OR4D10: variants seen among roughly 807,000 people sequenced by gnomAD.
OR4D10 encodes olfactory receptor 4D10.
For synonymous variants in OR4D10, 188 were observed against 153.2 expected (o/e 1.23, Z -1.68); for missense variants, 395 against 378.0 (o/e 1.04, Z -0.37).
chr11:59,478,158 C>T lies in OR4D10; in HGVS notation c.729C>T (p.His243=). Residue 243 remains histidine (H), a synonymous_variant, in exon 3 of 3, where the codon CAC becomes CAT. Coordinates refer to ENST00000530162, the MANE Select transcript of OR4D10 (RefSeq NM_001004705.2). The part of the protein sequence containing the change: ...RRKAISTCTS[H]ITVVTLHFVP... Reference sequence around the variant, plus strand: ...AAGCCATCTCCACCTGCACCTCCCACATCACTGTGGTGACCCTGCATTTCG... The same window carrying T: ...AAGCCATCTCCACCTGCACCTCCCATATCACTGTGGTGACCCTGCATTTCG... 2.5e-6 allele frequency: 4 copies of T among 1,614,178 alleles called. No individual in the cohort carries two copies. Among genetic ancestry groups the T allele is most frequent in the South Asian group, 1.1e-5 (1 of 91,086 alleles).
In OR4D10 at chr11:59,477,875, G is replaced by T. The variant is rs764781536; in HGVS notation, c.446G>T (p.Trp149Leu). 5.0e-6 allele frequency: 8 copies of T among 1,614,014 alleles called. No individual in the cohort carries two copies. The change falls in exon 3 of 3, where the codon TGG (tryptophan) becomes TTG (leucine). Residue 149 changes from tryptophan (W) to leucine (L), a missense_variant. Trp to Leu is a moderately conservative substitution (Grantham distance 61). Coordinates refer to ENST00000530162, the MANE Select transcript of OR4D10 (RefSeq NM_001004705.2). ...DHCIGLTVAA[W>L]LGGFVHSIVQ... is the part of the protein sequence containing the mutation. The stretch of plus-strand genomic sequence containing the variant: ...TGCATTGGGCTCACAGTGGCTGCCT[G>T]GTTGGGGGGCTTTGTCCACTCCATC...
At position 59,477,288 on chromosome 11, in the gene OR4D10, C is replaced by T; in HGVS notation, c.-142C>T. The T allele has an allele frequency of 1.9e-6, 1 of 534,324 alleles. No individual in the cohort carries two copies. Among genetic ancestry groups the T allele is most frequent in the East Asian group, 3.0e-5 (1 of 33,578 alleles). 33.1% of individuals were successfully genotyped at this position (534,324 alleles called of 1,614,324 possible). A position where few individuals can be genotyped will look rare whatever the true frequency, so the allele number is the denominator to read the frequency against. ...CTAACTGAAATCTGAAAAACGTGAA[C>T]AATGCAACAAACTGCAAAAACTACA... On this transcript the variant is annotated 5_prime_UTR_variant, in exon 3 of 3. Transcript: ENST00000530162.
Position 59,478,576 on chromosome 11 carries a change from T to G in OR4D10, c.*211T>G. The G allele has an allele frequency of 2.5e-6, 1 of 396,304 alleles. No individual in the cohort carries two copies. The highest frequency in any genetic ancestry group is 2.1e-5 in the African/African-American group (1 of 48,434). The allele number at this position is 396,304 out of a possible 1,614,324, so 24.5% of individuals were successfully genotyped here. On this transcript the variant is annotated 3_prime_UTR_variant, in exon 3 of 3. Transcript: ENST00000530162. ...GAAAATAAACCAGAGCTCCCTCCTCTTTACCACCAAGATTTTGTTTCATGA... is the reference window on the plus strand; with the variant it reads ...GAAAATAAACCAGAGCTCCCTCCTCGTTACCACCAAGATTTTGTTTCATGA...
rs1201091481 is a variant in OR4D10 at position 59,478,087 on chromosome 11, G to A, written c.658G>A (p.Val220Ile). Residue 220 changes from valine to isoleucine, a missense_variant, in exon 3 of 3, where the codon GTC (valine) becomes ATC (isoleucine). Physicochemically the swap from Val to Ile is conservative, Grantham distance 29. Coordinates refer to ENST00000530162, the MANE Select transcript of OR4D10 (RefSeq NM_001004705.2). ...WFFLLLVSYIVILSLPKSQAG... is the reference protein window; with the variant it reads ...WFFLLLVSYIIILSLPKSQAG... Reference sequence around the variant, plus strand: ...TTTCCTGCTCCTGGTGTCCTACATAGTCATATTATCATTACCCAAGTCTCA... The same window carrying A: ...TTTCCTGCTCCTGGTGTCCTACATAATCATATTATCATTACCCAAGTCTCA... 1 of 1,614,140 alleles carries A rather than the reference G, an allele frequency of 6.2e-7. No homozygotes were observed. Among genetic ancestry groups the A allele is most frequent in the Admixed American group, 1.7e-5 (1 of 60,020 alleles).
chr11:59,475,392 A>G (rs1590624630), intron 2 of OR4D10, among the ~76,000 whole-genome samples: 1 of 152,008 alleles, frequency 6.6e-6, no homozygotes, highest in East Asian at 1.9e-4. Flanking sequence ...TTTGCATGAT[A>G]CATCCTGTTT....
In OR4D10 at chr11:59,477,427, T is replaced by C; in HGVS notation, c.-3T>C. 1 of 1,547,302 alleles carries C rather than the reference T, an allele frequency of 6.5e-7. No individual in the cohort carries two copies. The highest frequency in any genetic ancestry group is 8.7e-7 in the Non-Finnish European group (1 of 1,148,182). ...AACCAAAGAGAATAAAGAGGATGAT[T>C]GAATGGAGATGGAAAACTGCACCAG... On this transcript the variant is annotated 5_prime_UTR_variant, in exon 3 of 3. An upstream open reading frame in the 5' UTR loses its in-frame stop. Coordinates refer to ENST00000530162, the MANE Select transcript of OR4D10 (RefSeq NM_001004705.2).
Position 59,478,708 on chromosome 11 carries a change from A to G in OR4D10, c.*343A>G, listed in dbSNP as rs957655216. 3 of 173,342 alleles carry G rather than the reference A, an allele frequency of 1.7e-5. No individual in the cohort carries two copies. The highest frequency in any genetic ancestry group is 7.1e-5 in the African/African-American group (3 of 42,070). The allele number at this position is 173,342 out of a possible 1,614,324, so 10.7% of individuals were successfully genotyped here. A position where few individuals can be genotyped will look rare whatever the true frequency, so the allele number is the denominator to read the frequency against. Reference sequence around the variant, plus strand: ...TTTATTTTCATAAGTAATACATAAAATTATATATATACCTAGCAAATGCAT... The same window carrying G: ...TTTATTTTCATAAGTAATACATAAAGTTATATATATACCTAGCAAATGCAT... On this transcript the variant is annotated 3_prime_UTR_variant, in exon 3 of 3. Transcript: ENST00000530162.
intron 2 of OR4D10, among the ~76,000 whole-genome samples, chr11:59,474,212 A>G (rs944116873): frequency 1.3e-5 from 2 of 152,210 alleles, no homozygotes; most frequent in African/African-American, 2.4e-5. Flanking sequence ...TTTTTATACC[A>G]CTTCATATAT....
Position 59,478,282 on chromosome 11 carries a change from T to A in OR4D10, c.853T>A (p.Leu285Met), listed in dbSNP as rs1211558070. The change falls in exon 3 of 3, where the codon TTG (leucine) becomes ATG (methionine). Residue 285 changes from leucine (L) to methionine (M), a missense_variant. Coordinates refer to ENST00000530162, the MANE Select transcript of OR4D10 (RefSeq NM_001004705.2). Reference sequence around the variant, plus strand: ...TGTCATCTCCCCTCTGCTCAACCCCTTGATCTACACTCTGAGGAACCATGA... The same window carrying A: ...TGTCATCTCCCCTCTGCTCAACCCCATGATCTACACTCTGAGGAACCATGA... Reference protein sequence around the residue: ...FTVISPLLNPLIYTLRNHEMK... With the variant: ...FTVISPLLNPMIYTLRNHEMK... 5 of 1,467,714 alleles carry A rather than the reference T, an allele frequency of 3.4e-6. No homozygotes were observed. Among genetic ancestry groups the A allele is most frequent in the Non-Finnish European group, 4.5e-6 (5 of 1,110,340 alleles). The allele number at this position is 1,467,714 out of a possible 1,614,324, so 90.9% of individuals were successfully genotyped here.
chr11:59,478,398 A>G lies in OR4D10; in HGVS notation c.*33A>G, dbSNP rs1565084447. 7.3e-7 allele frequency: 1 copy of G among 1,374,100 alleles called. No individual in the cohort carries two copies. Among genetic ancestry groups the G allele is most frequent in the East Asian group, 2.4e-5 (1 of 42,120 alleles). 85.1% of individuals were successfully genotyped at this position (1,374,100 alleles called of 1,614,324 possible). ...AATCCTCAGCTCTTCATCACCAAAGATATCTTATATTTATTATTTTTCCCA... is the reference window on the plus strand; with the variant it reads ...AATCCTCAGCTCTTCATCACCAAAGGTATCTTATATTTATTATTTTTCCCA... On this transcript the variant is annotated 3_prime_UTR_variant, in exon 3 of 3. Coordinates refer to ENST00000530162, the MANE Select transcript of OR4D10 (RefSeq NM_001004705.2).
intron 2 of OR4D10, among the ~76,000 whole-genome samples, chr11:59,475,297 C>T (rs1365402758): frequency 6.6e-6 from 1 of 152,102 alleles, no homozygotes; most frequent in East Asian, 1.9e-4. Context: ...CTTCCTCCCT[C>T]TGTACTAACC....
intron 1 of OR4D10, 38 bp downstream of exon 1, chr11:59,473,679 T>C (rs1858868642): frequency 6.6e-6 from 1 of 152,248 alleles, no homozygotes; most frequent in Admixed American, 6.5e-5. Context: ...AGGTTATGCA[T>C]AGTGAAACAG....
chr11:59,476,763 C>A (rs913208136), intron 2 of OR4D10, among the ~76,000 whole-genome samples: 15 of 152,094 alleles, frequency 9.9e-5, no homozygotes, highest in Admixed American at 7.9e-4. Flanking sequence ...ACCGATGGAA[C>A]CAATGCTCCA....
Position 59,478,041 on chromosome 11 carries a change from A to T in OR4D10, c.612A>T (p.Gly204=). ...AACTACTAATGATTTCCAACAATGGACTGCTCACCACACTGTGGTTTTTCC... is the reference window on the plus strand; with the variant it reads ...AACTACTAATGATTTCCAACAATGGTCTGCTCACCACACTGTGGTTTTTCC... The part of the protein sequence containing the change: ...ILELLMISNN[G]LLTTLWFFLL... The change falls in exon 3 of 3, where the codon GGA becomes GGT. Residue 204 remains glycine (G), a synonymous_variant. Transcript: ENST00000530162. The T allele has an allele frequency of 1.9e-6, 3 of 1,614,110 alleles. No individual in the cohort carries two copies. Among genetic ancestry groups the T allele is most frequent in the Non-Finnish European group, 2.5e-6 (3 of 1,180,024 alleles).
In OR4D10 at chr11:59,475,393, C is replaced by T. The variant is rs575772888; in HGVS notation, c.-169+1600C>T. Among the ~76,000 whole-genome samples the T allele has an allele frequency of 2.2e-4, 33 of 152,230 alleles. 1 individual carries two copies. Among genetic ancestry groups the T allele is most frequent in the Admixed American group, 2.2e-3 (33 of 15,296 alleles). ...TACGGGCTGTTTCCTTTGCATGATA[C>T]ATCCTGTTTCTGTTTCCTGGAAATT... On this transcript the variant is annotated intron_variant, in intron 2 of 2. Coordinates refer to ENST00000530162, the MANE Select transcript of OR4D10 (RefSeq NM_001004705.2).
intron 2 of OR4D10, among the ~76,000 whole-genome samples, chr11:59,476,922 A>G: frequency 6.6e-6 from 1 of 151,798 alleles, no homozygotes. Flanking sequence ...GGGCAAAAAA[A>G]AACTGATAAT....
Position 59,477,361 on chromosome 11 carries a change from A to G in OR4D10, c.-69A>G, listed in dbSNP as rs540885958. 111 of 1,224,750 alleles carry G rather than the reference A, an allele frequency of 9.1e-5. 1 individual carries two copies. In the South Asian group the frequency reaches 1.7e-3, roughly 19 times the overall value. The allele number at this position is 1,224,750 out of a possible 1,614,324, so 75.9% of individuals were successfully genotyped here. On this transcript the variant is annotated 5_prime_UTR_variant, in exon 3 of 3. Transcript: ENST00000530162. ...TGCATTCTAGGTGTTTAGGAAGACA[A>G]CAAAATAAATATCCCAGTGCTTTCA...
intron 2 of OR4D10, among the ~76,000 whole-genome samples, 188 bp downstream of exon 2, chr11:59,473,981 C>T (rs1858872041): frequency 6.6e-6 from 1 of 152,288 alleles, no homozygotes; most frequent in Admixed American, 6.5e-5. Flanking sequence ...TGCTTACCTT[C>T]GGAAAGACTT....
At chr11:59,474,282 G>A (rs756067599) in intron 2 of OR4D10, among the ~76,000 whole-genome samples, 4 of 152,168 alleles carry the variant, frequency 2.6e-5, no homozygotes, top group Non-Finnish European at 5.9e-5. Context: ...TCTTACCACA[G>A]GTGATGTGCC....
Sources: allele counts gnomAD v4.1 joint callset (sites outside exome capture counted in the v4.1 genomes callset), GRCh38; gene constraint gnomAD v4.1.1; transcripts MANE v1.5; gene names NCBI Gene and HGNC (gene_info 2026-07-23, HGNC 2026-07-21).